TENM3: variants seen among roughly 807,000 people sequenced by gnomAD.
TENM3 encodes the protein teneurin transmembrane protein 3.
Under a neutral mutation model 255.1 loss-of-function variants are expected in TENM3, and 63 were observed. That is an observed-to-expected ratio of 0.25 (90% CI 0.20 to 0.30). TENM3 has a LOEUF of 0.30. TENM3 is among the 10% of genes least tolerant of loss of function. TENM3 has a pLI of 1.00. For synonymous variants in TENM3, 1,306 were observed against 1,322.3 expected (o/e 0.99, Z 0.27); for missense variants, 2,929 against 3,461.1 (o/e 0.85, Z 3.86).
At chr4:181,469,345 G>A in the TENM3 span, among the ~76,000 whole-genome samples, 7 of 151,978 alleles carry the variant, frequency 4.6e-5, no homozygotes, top group Non-Finnish European at 7.4e-5. Flanking sequence ...TATATAATAT[G>A]AATTGTGATC....
chr4:181,477,764 G>C, the TENM3 span, among the ~76,000 whole-genome samples: 1 of 152,148 alleles, frequency 6.6e-6, no homozygotes, highest in African/African-American at 2.4e-5. Flanking sequence ...CTGAGTATTT[G>C]GGTGTGATTC....
chr4:182,097,502 C>G, the TENM3 span, among the ~76,000 whole-genome samples: 1 of 152,154 alleles, frequency 6.6e-6, no homozygotes, highest in African/African-American at 2.4e-5. Flanking sequence ...ATATATAGGT[C>G]CCTATGCAGT....
rs1340255075 is a variant in TENM3 at position 182,671,834 on chromosome 4, T to C, written c.1112-1171T>C. ...CTTCCTCTGCGTTTTGAATTAACAG[T>C]TTAATATTTTTTTTAAAAAAGACAA... On this transcript the variant is annotated intron_variant, in intron 6 of 27. Transcript: ENST00000511685. 2.0e-5 allele frequency among the ~76,000 whole-genome samples: 3 copies of C among 152,130 alleles called. No individual in the cohort carries two copies. In the East Asian group the frequency reaches 5.8e-4, roughly 29 times the overall value.
the TENM3 span, among the ~76,000 whole-genome samples, chr4:181,778,330 TGTATTA>T: frequency 6.6e-6 from 1 of 152,162 alleles, no homozygotes. Flanking sequence ...CATAGGCACT[TGTATTA>T]GTATTAGTAT....
In TENM3 at chr4:182,346,797, T is replaced by A; in HGVS notation, c.379T>A (p.Ser127Thr). Reference sequence around the variant, plus strand: ...TGATACTGAAAATGAAGCAGTGATGTCCCCAGAGCATGCCATGAGACTTTG... The same window carrying A: ...TGATACTGAAAATGAAGCAGTGATGACCCCAGAGCATGCCATGAGACTTTG... ...DADTENEAVM[S>T]PEHAMRLWGR... The change falls in exon 3 of 28, where the codon TCC becomes ACC. Residue 127 changes from serine (S) to threonine (T), a missense_variant. Ser to Thr is a moderately conservative substitution (Grantham distance 58). Transcript: ENST00000511685. The A allele has an allele frequency of 1.2e-6, 2 of 1,613,554 alleles. No homozygotes were observed. Among genetic ancestry groups the A allele is most frequent in the Non-Finnish European group, 1.7e-6 (2 of 1,179,738 alleles).
the TENM3 span, among the ~76,000 whole-genome samples, chr4:181,840,000 C>G: frequency 6.6e-6 from 1 of 152,052 alleles, no homozygotes; most frequent in Non-Finnish European, 1.5e-5. Context: ...GTCTCTTCCT[C>G]TTCTTCTGAA....
chr4:182,792,577 A>G lies in TENM3; in HGVS notation c.5905A>G (p.Thr1969Ala), dbSNP rs1366980741. Residue 1969 changes from threonine to alanine, a missense_variant, in exon 26 of 28, where the codon ACC becomes GCC. Physicochemically the swap from Thr to Ala is moderately conservative, Grantham distance 58. Around this residue, in one of 6 missense-constraint regions of TENM3, gnomAD observed 303 missense variants for 425.2 expected, o/e 0.71. Transcript: ENST00000511685. This position sits in a 1 kb window ranked among gnomAD's most constrained non-coding sequence, Gnocchi z 6.3. Reference sequence around the variant, plus strand: ...ATATGATAGCACAAGAGTCAGTTTTACCTATGATGAAACAGCAGGAGTCCT... The same window carrying G: ...ATATGATAGCACAAGAGTCAGTTTTGCCTATGATGAAACAGCAGGAGTCCT... ...ILYDSTRVSF[T>A]YDETAGVLKT... The G allele has an allele frequency of 6.2e-7, 1 of 1,614,030 alleles. No homozygotes were observed. The highest frequency in any genetic ancestry group is 8.5e-7 in the Non-Finnish European group (1 of 1,179,898).
chr4:182,536,074 C>T (rs977086820), intron 3 of TENM3, among the ~76,000 whole-genome samples: 2 of 152,156 alleles, frequency 1.3e-5, no homozygotes, highest in Admixed American at 6.5e-5. Flanking sequence ...ATAAATGCCA[C>T]GAACAAATAT....
At chr4:182,190,394 C>T (rs1206867060) in intron 1 of TENM3, 1 of 152,204 alleles carries the variant, frequency 6.6e-6, no homozygotes, top group Non-Finnish European at 1.5e-5. Flanking sequence ...TGCGTACCTC[C>T]CGTCTGAAAC....
the TENM3 span, among the ~76,000 whole-genome samples, chr4:181,888,494 G>GTATATATATATATATATATATATA: frequency 1.1e-4 from 3 of 28,220 alleles, no homozygotes; most frequent in African/African-American, 1.7e-4. Flanking sequence ...ATAGAAATGT[G>GTATATATATATATATATATATATA]TATATATATA....
chr4:182,401,986 C>G (rs781414731), intron 3 of TENM3, among the ~76,000 whole-genome samples: 8 of 152,202 alleles, frequency 5.3e-5, no homozygotes, highest in Non-Finnish European at 8.8e-5. Flanking sequence ...GTCTTCTTAT[C>G]TGTGCTAAAC....
intron 1 of TENM3, among the ~76,000 whole-genome samples, chr4:182,189,285 A>G (rs1753359203): frequency 6.6e-6 from 1 of 152,022 alleles, no homozygotes; most frequent in African/African-American, 2.4e-5. Flanking sequence ...TTAAGTGGGT[A>G]TGATTGCTCA....
chr4:181,482,797 T>G, the TENM3 span, among the ~76,000 whole-genome samples: 1 of 152,248 alleles, frequency 6.6e-6, no homozygotes, highest in Non-Finnish European at 1.5e-5. Context: ...GATTTACCAT[T>G]CTTCAATTAT....
At chr4:182,095,737 C>CA in the TENM3 span, among the ~76,000 whole-genome samples, 7,242 of 151,404 alleles carry the variant, frequency 0.048, 347 homozygotes, top group East Asian at 0.22. Flanking sequence ...GTTCCTAAAA[C>CA]AAAAAAAATA....
the TENM3 span, among the ~76,000 whole-genome samples, chr4:181,550,618 A>G: frequency 6.6e-6 from 1 of 152,236 alleles, no homozygotes; most frequent in South Asian, 2.1e-4. Flanking sequence ...ACTGGCATTA[A>G]AAATATGCCA....
the TENM3 span, among the ~76,000 whole-genome samples, chr4:181,958,130 G>C: frequency 6.6e-6 from 1 of 152,146 alleles, no homozygotes; most frequent in Non-Finnish European, 1.5e-5. Context: ...AATTATACTT[G>C]AAGGGTATAC....
chr4:182,594,188 A>AT (rs796205384), intron 3 of TENM3, among the ~76,000 whole-genome samples: 13 of 151,548 alleles, frequency 8.6e-5, no homozygotes, highest in Non-Finnish European at 1.6e-4. Context: ...TTTGATTTTT[A>AT]TTTTTTTTAG....
chr4:182,517,667 G>A (rs1738136307), intron 3 of TENM3, among the ~76,000 whole-genome samples: 2 of 130,004 alleles, frequency 1.5e-5, no homozygotes, highest in African/African-American at 2.9e-5. Context: ...ACAGGCGTGA[G>A]CCACCGCGCC....
chr4:181,670,141 A>G, the TENM3 span, among the ~76,000 whole-genome samples: 1 of 152,194 alleles, frequency 6.6e-6, no homozygotes, highest in African/African-American at 2.4e-5. Context: ...CTCAAGGTAA[A>G]TGGATTGCAA....
Sources: gnomAD v4.1 joint callset for allele counts (sites outside exome capture counted in the v4.1 genomes callset) on GRCh38, gnomAD v4.1.1 for gene constraint, gnomAD v4.1.1 regional missense constraint, Gnocchi (gnomAD v3.1) non-coding constraint, MANE v1.5 for transcripts, NCBI Gene and HGNC (gene_info 2026-07-23, HGNC 2026-07-21) for gene names.